MAP1B: variants seen among roughly 807,000 people sequenced by gnomAD.
MAP1B encodes the protein microtubule associated protein 1B.
MAP1B carries 12 observed loss-of-function variants against 176.1 expected under a neutral mutation model. The ratio of observed to expected loss-of-function variants is 0.07; its 90% CI spans 0.04 to 0.11. MAP1B has a LOEUF of 0.11. Ranked by LOEUF, MAP1B falls within the 10% of genes least tolerant of loss-of-function variation. The probability of loss-of-function intolerance (pLI) is 1.00; values close to 1 mark genes in which losing one functional copy is unlikely to be tolerated. For missense variants in MAP1B, 2,523 were observed against 2,990.5 expected (o/e 0.84, Z 3.65); for synonymous variants, 1,044 against 1,135.0 (o/e 0.92, Z 1.61).
chr5:72,196,939 C>G lies in MAP1B; in HGVS notation c.3584C>G (p.Thr1195Ser). ...GFSEGSKTDA[T>S]DGKDYNASAS... ...TCTGAAGGATCAAAAACAGATGCCA[C>G]TGATGGCAAGGATTACAATGCTTCA... Residue 1195 changes from threonine to serine, a missense_variant, in exon 5 of 7, where the codon ACT (threonine) becomes AGT (serine). Physicochemically the swap from Thr to Ser is moderately conservative, Grantham distance 58. Transcript: ENST00000296755. The surrounding 1 kb of genome is among the most constrained non-coding windows in gnomAD (Gnocchi z 5.3). The G allele has an allele frequency of 6.2e-7, 1 of 1,614,110 alleles. No homozygotes were observed. The highest frequency in any genetic ancestry group is 8.5e-7 in the Non-Finnish European group (1 of 1,179,926).
At chr5:72,159,425 T>G (rs1279445593) in intron 2 of MAP1B, among the ~76,000 whole-genome samples, 1 of 74,120 alleles carries the variant, frequency 1.3e-5, no homozygotes, top group Non-Finnish European at 3.6e-5. Flanking sequence ...TGGAAGCTAC[T>G]AAAAAGGCAG....
At chr5:72,192,519 C>A (rs896171683) in intron 4 of MAP1B, among the ~76,000 whole-genome samples, 1 of 152,168 alleles carries the variant, frequency 6.6e-6, no homozygotes, top group Non-Finnish European at 1.5e-5. Flanking sequence ...TGCAATATTG[C>A]AGTCGAATAT....
intron 2 of MAP1B, among the ~76,000 whole-genome samples, chr5:72,136,653 A>C (rs1745841719): frequency 6.6e-6 from 1 of 152,168 alleles, no homozygotes; most frequent in Admixed American, 6.5e-5. Flanking sequence ...AGTCACACCT[A>C]GCCTAATGTT....
intron 2 of MAP1B, among the ~76,000 whole-genome samples, chr5:72,159,688 C>T (rs1746294211): frequency 6.6e-6 from 1 of 152,174 alleles, no homozygotes; most frequent in Non-Finnish European, 1.5e-5. Flanking sequence ...TAGAGGCAGG[C>T]AGCCTTCAAG....
At chr5:72,120,730 C>G (rs1745513616) in intron 2 of MAP1B, among the ~76,000 whole-genome samples, 1 of 152,126 alleles carries the variant, frequency 6.6e-6, no homozygotes, top group South Asian at 2.1e-4. Context: ...CCGGCCCCAC[C>G]TCATAGTTTC....
chr5:72,206,395 T>G lies in MAP1B; in HGVS notation c.*1156T>G, dbSNP rs1747447160. 1 of 152,686 alleles carries G rather than the reference T, an allele frequency of 6.5e-6. No individual in the cohort carries two copies. The highest frequency in any genetic ancestry group is 1.5e-5 in the Non-Finnish European group (1 of 68,046). 9.5% of individuals were successfully genotyped at this position (152,686 alleles called of 1,614,324 possible). On this transcript the variant is annotated 3_prime_UTR_variant, in exon 7 of 7. Transcript: ENST00000296755. Reference sequence around the variant, plus strand: ...CTTCAGTGCACCTGTGGCCTCTCAGTCAAACAAGTTGTGCCTTTCACAGCT... The same window carrying G: ...CTTCAGTGCACCTGTGGCCTCTCAGGCAAACAAGTTGTGCCTTTCACAGCT...
intron 2 of MAP1B, among the ~76,000 whole-genome samples, chr5:72,155,645 G>C (rs1323412439): frequency 1.3e-5 from 2 of 151,636 alleles, no homozygotes; most frequent in African/African-American, 4.8e-5. Flanking sequence ...GGTAGGGGCT[G>C]TTTTTGAAAT....
Position 72,194,968 on chromosome 5 carries a change from G to A in MAP1B, c.1613G>A (p.Arg538Lys). ...PVVKQTKLKQ[R>K]ADSRESLKPA... ...GTGAAACAAACAAAACTGAAACAGA[G>A]GGCTGATAGCCGAGAAAGTCTGAAG... Residue 538 changes from arginine to lysine, a missense_variant, in exon 5 of 7, where the codon AGG becomes AAG. By Grantham distance (26) the Arg-to-Lys change is conservative. Transcript: ENST00000296755. This position sits in a 1 kb window ranked among gnomAD's most constrained non-coding sequence, Gnocchi z 7.2. 6.2e-7 allele frequency: 1 copy of A among 1,614,106 alleles called. No individual in the cohort carries two copies. Among genetic ancestry groups the A allele is most frequent in the Non-Finnish European group, 8.5e-7 (1 of 1,180,022 alleles).
Position 72,195,225 on chromosome 5 carries a change from C to G in MAP1B, c.1870C>G (p.Gln624Glu). 1 of 1,612,472 alleles carries G rather than the reference C, an allele frequency of 6.2e-7. No individual in the cohort carries two copies. Among genetic ancestry groups the G allele is most frequent in the Non-Finnish European group, 8.5e-7 (1 of 1,179,744 alleles). Residue 624 changes from glutamine to glutamate, a missense_variant, in exon 5 of 7, where the codon CAA (glutamine) becomes GAA (glutamate). Physicochemically the swap from Gln to Glu is conservative, Grantham distance 29. Transcript: ENST00000296755. ...AGTGAAAGCCGAGGTGGCTGAGAAG[C>G]AAGCCACAGATGTCAAACCCAAAGC... is the stretch of plus-strand genomic sequence containing the variant. Reference protein sequence around the residue: ...SPVKAEVAEKQATDVKPKAAK... With the variant: ...SPVKAEVAEKEATDVKPKAAK...
rs188683030 is a variant in MAP1B at position 72,187,070 on chromosome 5, G to A, written c.510+316G>A. Among the ~76,000 whole-genome samples, 89 of 152,284 alleles carry A rather than the reference G, an allele frequency of 5.8e-4. 1 individual carries two copies. The highest frequency in any genetic ancestry group is 4.7e-4 in the Non-Finnish European group (32 of 68,030). On this transcript the variant is annotated intron_variant, in intron 4 of 6. Transcript: ENST00000296755. Reference sequence around the variant, plus strand: ...TGTCAGAGCCCAAAAGAAAACCTGCGTTTCCTGTTTTCTGAAATAATACTC... The same window carrying A: ...TGTCAGAGCCCAAAAGAAAACCTGCATTTCCTGTTTTCTGAAATAATACTC...
At chr5:72,167,107 A>G (rs569857973) in intron 2 of MAP1B, among the ~76,000 whole-genome samples, 4 of 152,026 alleles carry the variant, frequency 2.6e-5, no homozygotes, top group African/African-American at 9.7e-5. Flanking sequence ...CAGACATTAC[A>G]AAAGAGAGAG....
chr5:72,116,132 G>A (rs917436401), intron 2 of MAP1B: 6 of 329,436 alleles, frequency 1.8e-5, no homozygotes, highest in Non-Finnish European at 3.5e-5. Flanking sequence ...GAGAGAGATA[G>A]TATAGTGTGT....
chr5:72,205,075 TCCCTGCA>T lies in MAP1B; in HGVS notation c.7252-8_7252-2del. ...CTTAAATAGCTATTTTTTTTTTCTC[TCCCTGCA>T]GGTGACACTGATCCCAACTCATGAC... On this transcript the variant is annotated splice_acceptor_variant and splice_polypyrimidine_tract_variant and intron_variant, in intron 6 of 6. Coordinates refer to ENST00000296755, the MANE Select transcript of MAP1B (RefSeq NM_005909.5). LOFTEE classifies it high-confidence loss of function. The T allele has an allele frequency of 6.3e-7, 1 of 1,587,314 alleles. No homozygotes were observed. Among genetic ancestry groups the T allele is most frequent in the Non-Finnish European group, 8.5e-7 (1 of 1,171,606 alleles).
rs1204090967 is a variant in MAP1B at position 72,200,373 on chromosome 5, T to C, written c.7012+6T>C. On this transcript the variant is annotated splice_donor_region_variant and intron_variant, in intron 5 of 6. Transcript: ENST00000296755. ...GGCCAAGACCGCCACTGCAGGTAGG[T>C]TGAGAAGGCTGGGCATTGGATATAT... The C allele has an allele frequency of 3.1e-6, 5 of 1,611,764 alleles. No individual in the cohort carries two copies. Among genetic ancestry groups the C allele is most frequent in the Non-Finnish European group, 4.2e-6 (5 of 1,179,106 alleles).
chr5:72,199,983 C>T lies in MAP1B; in HGVS notation c.6628C>T (p.Pro2210Ser), dbSNP rs1747294287. Residue 2210 changes from proline to serine, a missense_variant, in exon 5 of 7, where the codon CCT (proline) becomes TCT (serine). Pro to Ser is a moderately conservative substitution (Grantham distance 74). This residue lies in a region of MAP1B where 287 missense variants were observed against 401.5 expected (regional missense o/e 0.71). Transcript: ENST00000296755. This position sits in a 1 kb window ranked among gnomAD's most constrained non-coding sequence, Gnocchi z 4.2. ...TCCAGCTCCCGTGCAAGACCGCAGC[C>T]CTTCGCCACGCCACCCTGATGTGTC... ...PPPAPVQDRS[P>S]SPRHPDVSMV... The T allele has an allele frequency of 1.2e-6, 2 of 1,614,194 alleles. No individual in the cohort carries two copies. Among genetic ancestry groups the T allele is most frequent in the Non-Finnish European group, 1.7e-6 (2 of 1,180,042 alleles).
rs1261518492 is a variant in MAP1B at position 72,197,197 on chromosome 5, T to C, written c.3842T>C (p.Leu1281Pro). Residue 1281 changes from leucine to proline, a missense_variant, in exon 5 of 7, where the codon CTG becomes CCG. Leu to Pro is a moderately conservative substitution (Grantham distance 98). Transcript: ENST00000296755. ...PLGERSVNFS[L>P]TPNEIKVSAE... ...GGTGAACGTAGTGTGAACTTCTCTCTGACGCCCAATGAGATTAAAGTCTCT... is the reference window on the plus strand; with the variant it reads ...GGTGAACGTAGTGTGAACTTCTCTCCGACGCCCAATGAGATTAAAGTCTCT... 6 of 1,614,110 alleles carry C rather than the reference T, an allele frequency of 3.7e-6. No individual in the cohort carries two copies. Among genetic ancestry groups the C allele is most frequent in the African/African-American group, 1.3e-5 (1 of 74,930 alleles).
At chr5:72,141,702 T>TCCTTATA (rs1406628886) in intron 2 of MAP1B, among the ~76,000 whole-genome samples, 1 of 152,170 alleles carries the variant, frequency 6.6e-6, no homozygotes, top group Non-Finnish European at 1.5e-5. Context: ...GTCTGGAAAT[T>TCCTTATA]CCTTATATGG....
chr5:72,122,722 C>T (rs1451349795), intron 2 of MAP1B, among the ~76,000 whole-genome samples: 1 of 151,426 alleles, frequency 6.6e-6, no homozygotes. Flanking sequence ...CTAATGGGCA[C>T]TGTGGAACCA....
intron 2 of MAP1B, among the ~76,000 whole-genome samples, chr5:72,134,515 TAAG>T (rs35019853): frequency 0.35 from 53,820 of 151,890 alleles, 10,251 homozygotes; most frequent in East Asian, 0.44. Flanking sequence ...TCATTTTCAT[TAAG>T]AAGAATTTGG....
Sources: allele counts gnomAD v4.1 joint callset (sites outside exome capture counted in the v4.1 genomes callset), GRCh38; gene constraint gnomAD v4.1.1; regional missense constraint gnomAD v4.1.1; non-coding constraint Gnocchi (gnomAD v3.1); transcripts MANE v1.5; gene names NCBI Gene and HGNC (gene_info 2026-07-23, HGNC 2026-07-21).